The following FRYL variants were observed in gnomAD, a reference collection of about 807,000 sequenced individuals.
The protein encoded by FRYL is FRY like transcription coactivator.
A neutral mutation model predicts 351.2 loss-of-function variants in FRYL; 150 were observed. That is an observed-to-expected ratio of 0.43 (90% CI 0.37 to 0.49). FRYL has a LOEUF of 0.49. FRYL is among the 20% of genes least tolerant of loss of function. FRYL has a pLI of 0.00. For synonymous variants in FRYL, 1,153 were observed against 1,257.1 expected, an observed-to-expected ratio of 0.92 and a Z score of 1.75; for missense variants, 3,036 against 3,619.3, an observed-to-expected ratio of 0.84 and a Z score of 4.13.
chr4:48,540,562 A>G lies in FRYL; in HGVS notation c.6086T>C (p.Leu2029Pro). ...YLLALRLLNK[L>P]LIHLPLDKSE... ...TTTATCCAAAGGCAAATGGATAAGCAGTTTGTTGAGAAGCCTGAGAGCCAG... is the reference window on the plus strand; with the variant it reads ...TTTATCCAAAGGCAAATGGATAAGCGGTTTGTTGAGAAGCCTGAGAGCCAG... Residue 2029 changes from leucine (L) to proline (P), a missense_variant, in exon 46 of 64, where the codon CTG becomes CCG. Around this residue, in one of 7 missense-constraint regions of FRYL, gnomAD observed 1,987 missense variants for 2,311.7 expected, o/e 0.86. Coordinates refer to ENST00000358350, the MANE Select transcript of FRYL (RefSeq NM_015030.2). 6.2e-7 allele frequency: 1 copy of G among 1,613,960 alleles called. No homozygotes were observed. Among genetic ancestry groups the G allele is most frequent in the Non-Finnish European group, 8.5e-7 (1 of 1,179,870 alleles).
At chr4:48,746,555 A>G (rs1772706776) in intron 1 of FRYL, among the ~76,000 whole-genome samples, 3 of 151,950 alleles carry the variant, frequency 2.0e-5, no homozygotes, top group African/African-American at 2.4e-5. Flanking sequence ...AAAAAAAAAA[A>G]AAAGAAAAAG....
chr4:48,514,986 G>C (rs767590095), intron 56 of FRYL, 42 bp downstream of exon 56: 2 of 1,537,348 alleles, frequency 1.3e-6, no homozygotes, highest in Non-Finnish European at 1.8e-6. Flanking sequence ...ATAGGGGAGA[G>C]ATTATCCCCT....
chr4:48,568,557 A>G (rs1217711607), intron 27 of FRYL, among the ~76,000 whole-genome samples: 1 of 152,086 alleles, frequency 6.6e-6, no homozygotes, highest in Non-Finnish European at 1.5e-5. Context: ...CTTCTAATAT[A>G]TATTATTTTA....
chr4:48,593,297 A>G (rs1396263150), intron 16 of FRYL, among the ~76,000 whole-genome samples: 3 of 149,168 alleles, frequency 2.0e-5, no homozygotes, highest in Non-Finnish European at 4.4e-5. Context: ...TGGGCTCATT[A>G]TAACTTCCAG....
chr4:48,620,699 T>C lies in FRYL; in HGVS notation c.254A>G (p.Gln85Arg). The C allele has an allele frequency of 6.2e-7, 1 of 1,613,994 alleles. No individual in the cohort carries two copies. The highest frequency in any genetic ancestry group is 8.5e-7 in the Non-Finnish European group (1 of 1,179,868). The part of the protein sequence containing the change: ...LRTLFDWYRR[Q>R]NGTEDESYEY... ...ATAAGATTCATCTTCCGTTCCATTTTGGCGTCTGTACCAGTCAAACAAGGT... is the reference window on the plus strand; with the variant it reads ...ATAAGATTCATCTTCCGTTCCATTTCGGCGTCTGTACCAGTCAAACAAGGT... The change falls in exon 6 of 64, where the codon CAA becomes CGA. Residue 85 changes from glutamine to arginine, a missense_variant. This residue lies in a region of FRYL where 457 missense variants were observed against 566.6 expected (regional missense o/e 0.81). Transcript: ENST00000358350.
intron 34 of FRYL, 61 bp from the exon 35 acceptor site, chr4:48,557,179 T>C (rs1734303755): frequency 1.3e-6 from 2 of 1,521,912 alleles, no homozygotes; most frequent in Non-Finnish European, 8.9e-7. Flanking sequence ...AAACCAAACT[T>C]GTCATACCAT....
chr4:48,569,390 T>C (rs1737727619), intron 27 of FRYL, among the ~76,000 whole-genome samples: 1 of 152,192 alleles, frequency 6.6e-6, no homozygotes, highest in South Asian at 2.1e-4. Flanking sequence ...CACAGCAACC[T>C]CCACCTCCTG....
intron 11 of FRYL, among the ~76,000 whole-genome samples, chr4:48,603,887 C>T (rs569766477): frequency 1.2e-4 from 18 of 152,298 alleles, no homozygotes; most frequent in African/African-American, 3.8e-4. Context: ...GCCCAAGAAG[C>T]TCTTCCCACA....
intron 47 of FRYL, among the ~76,000 whole-genome samples, chr4:48,536,870 A>T (rs115503207): frequency 0.022 from 3,284 of 152,276 alleles, 116 homozygotes; most frequent in African/African-American, 0.074. Context: ...ATAGGCTTGG[A>T]GGGCCTCAAA....
intron 22 of FRYL, among the ~76,000 whole-genome samples, chr4:48,580,172 C>T (rs540365765): frequency 6.6e-6 from 1 of 151,902 alleles, no homozygotes; most frequent in Non-Finnish European, 1.5e-5. Flanking sequence ...AGGTGTTATG[C>T]CGCAAGCTCT....
intron 41 of FRYL, 87 bp from the exon 42 acceptor site, chr4:48,546,358 C>G: frequency 9.7e-7 from 1 of 1,027,892 alleles, no homozygotes; most frequent in African/African-American, 1.6e-5. Flanking sequence ...TCCTTAGACT[C>G]TATGGGACAC....
At chr4:48,637,493 C>G (rs1295788008) in intron 3 of FRYL, 8 of 151,938 alleles carry the variant, frequency 5.3e-5, no homozygotes, top group Non-Finnish European at 1.5e-5. Flanking sequence ...CATGCTAACC[C>G]AAAATTTTGA....
At chr4:48,506,601 TAAAC>T (rs1339219568) in intron 59 of FRYL, 6 of 116,334 alleles carry the variant, frequency 5.2e-5, no homozygotes, top group Admixed American at 3.7e-4. Context: ...ATTATACTAT[TAAAC>T]AATACAACTA....
At position 48,592,522 on chromosome 4, in the gene FRYL, G is replaced by A. The variant is rs73817812; in HGVS notation, c.1335+1408C>T. Among the ~76,000 whole-genome samples, 430 of 151,732 alleles carry A rather than the reference G, an allele frequency of 2.8e-3. 1 individual carries two copies. Among genetic ancestry groups the A allele is most frequent in the African/African-American group, 9.9e-3 (411 of 41,370 alleles). ...CTCATACCTAGTATGAGAACTTCAG[G>A]AAGAAAAAAACTTACTTTCAGAAAT... On this transcript the variant is annotated intron_variant, in intron 16 of 63. Coordinates refer to ENST00000358350, the MANE Select transcript of FRYL (RefSeq NM_015030.2).
In FRYL at chr4:48,580,870, C is replaced by A. The variant is rs2149158952; in HGVS notation, c.2254G>T (p.Asp752Tyr). ...AATGAAGTCACTATAGTTACCTGAT[C>A]AGCCCCAGTGAGATGTATGAAGCTC... ...LESFIHLTGA[D>Y]QTTLLYCPSS... The change falls in exon 22 of 64, where the codon GAT becomes TAT. Residue 752 changes from aspartate to tyrosine, a missense_variant. By Grantham distance (160) the Asp-to-Tyr change is radical. Transcript: ENST00000358350. 6.2e-7 allele frequency: 1 copy of A among 1,604,630 alleles called. No individual in the cohort carries two copies. Among genetic ancestry groups the A allele is most frequent in the Non-Finnish European group, 8.5e-7 (1 of 1,172,224 alleles).
rs1726644771 is a variant in FRYL at position 48,527,974 on chromosome 4, T to C, written c.7137A>G (p.Pro2379=). The C allele has an allele frequency of 6.4e-7, 1 of 1,568,710 alleles. No individual in the cohort carries two copies. The highest frequency in any genetic ancestry group is 8.6e-7 in the Non-Finnish European group (1 of 1,164,720). ...CGPESGLPKN[P]SVVFSSNEDL... ...ACAGGTCTTCATGATTACTCACTGA[T>C]GGGTTCTTTGGGAGGCCAGATTCTG... Residue 2379 remains proline, a synonymous_variant, in exon 52 of 64, where the codon CCA becomes CCG. Coordinates refer to ENST00000358350, the MANE Select transcript of FRYL (RefSeq NM_015030.2).
chr4:48,687,253 T>TA, intron 2 of FRYL, among the ~76,000 whole-genome samples: 1 of 152,266 alleles, frequency 6.6e-6, no homozygotes, highest in South Asian at 2.1e-4. Flanking sequence ...ATGGTCATGC[T>TA]ATACAAATAA....
chr4:48,652,725 C>T (rs1392868653), intron 3 of FRYL, among the ~76,000 whole-genome samples: 2 of 152,044 alleles, frequency 1.3e-5, no homozygotes, highest in Non-Finnish European at 1.5e-5. Context: ...ATATTATTTG[C>T]TTAAAAAACA....
chr4:48,707,453 A>G (rs908548326), intron 2 of FRYL, among the ~76,000 whole-genome samples: 1 of 152,236 alleles, frequency 6.6e-6, no homozygotes, highest in Non-Finnish European at 1.5e-5. Context: ...GGGAATAGCT[A>G]AACAATTTGG....
Sources: allele counts gnomAD v4.1 joint callset (sites outside exome capture counted in the v4.1 genomes callset), GRCh38; gene constraint gnomAD v4.1.1; regional missense constraint gnomAD v4.1.1; transcripts MANE v1.5; gene names NCBI Gene and HGNC (gene_info 2026-07-23, HGNC 2026-07-21).